Variants in PRLR observed in about 807,000 individuals in gnomAD.
The protein encoded by PRLR is hPRL receptor.
A neutral mutation model predicts 40.2 loss-of-function variants in PRLR; 13 were observed. That is an observed-to-expected ratio of 0.32 (90% confidence interval 0.21 to 0.51). PRLR has a LOEUF of 0.51. Ranked by LOEUF, PRLR falls within the 20% of genes least tolerant of loss-of-function variation. The probability of loss-of-function intolerance (pLI) is 0.97; values close to 1 mark genes in which losing one functional copy is unlikely to be tolerated. For missense variants in PRLR, 656 were observed against 747.3 expected (o/e 0.88, Z 1.42); for synonymous variants, 269 against 278.7 (o/e 0.97, Z 0.35).
At chr5:35,141,288 G>A (rs556547356) in intron 1 of PRLR, among the ~76,000 whole-genome samples, 130 of 151,690 alleles carry the variant, frequency 8.6e-4, no homozygotes, top group African/African-American at 1.1e-3. Context: ...AATTAGGTTT[G>A]GTAACTGACA....
At chr5:35,049,776 T>A (rs1159087833) in intron 8 of PRLR, among the ~76,000 whole-genome samples, 1 of 152,136 alleles carries the variant, frequency 6.6e-6, no homozygotes, top group Non-Finnish European at 1.5e-5. Context: ...GACTAATTAT[T>A]TTTTTCTTCA....
intron 1 of PRLR, among the ~76,000 whole-genome samples, chr5:35,222,441 G>A (rs1776448534): frequency 6.6e-6 from 1 of 152,188 alleles, no homozygotes; most frequent in African/African-American, 2.4e-5. Context: ...TGTGGGGCTA[G>A]GAGCAGTGGA....
At chr5:35,209,502 G>A (rs1471933282) in intron 1 of PRLR, among the ~76,000 whole-genome samples, 3 of 152,172 alleles carry the variant, frequency 2.0e-5, no homozygotes, top group Non-Finnish European at 4.4e-5. Context: ...GTTCAGAACT[G>A]AGCAGTCCTG....
chr5:35,096,629 T>C (rs1771550326), intron 2 of PRLR, among the ~76,000 whole-genome samples: 1 of 151,964 alleles, frequency 6.6e-6, no homozygotes, highest in Non-Finnish European at 1.5e-5. Context: ...TACTTTCTTT[T>C]TTTTTTTTTG....
At chr5:35,134,714 A>C (rs1221939085) in intron 1 of PRLR, among the ~76,000 whole-genome samples, 1 of 152,228 alleles carries the variant, frequency 6.6e-6, no homozygotes, top group African/African-American at 2.4e-5. Flanking sequence ...GGAAAAGTAA[A>C]GTGGCAAGAA....
chr5:35,225,870 C>T (rs895984665), intron 1 of PRLR, among the ~76,000 whole-genome samples: 1 of 152,138 alleles, frequency 6.6e-6, no homozygotes, highest in Admixed American at 6.5e-5. Flanking sequence ...TTAATAGAGA[C>T]GGGGTTTCAC....
At chr5:35,166,087 GC>G (rs1774818260) in intron 1 of PRLR, among the ~76,000 whole-genome samples, 1 of 152,160 alleles carries the variant, frequency 6.6e-6, no homozygotes, top group African/African-American at 2.4e-5. Flanking sequence ...ATGATACAGA[GC>G]TTTGATTGTT....
chr5:35,190,166 GC>G, intron 1 of PRLR, among the ~76,000 whole-genome samples: 1 of 152,294 alleles, frequency 6.6e-6, no homozygotes, highest in South Asian at 2.1e-4. Context: ...GGCAGCCCCA[GC>G]AAACCAGTAC....
At chr5:35,131,498 T>C (rs1227758329) in intron 1 of PRLR, among the ~76,000 whole-genome samples, 2 of 152,140 alleles carry the variant, frequency 1.3e-5, no homozygotes, top group Admixed American at 1.3e-4. Context: ...GCAAAAGGCA[T>C]GCAGTTTATA....
intron 2 of PRLR, among the ~76,000 whole-genome samples, chr5:35,108,585 A>G (rs1294255873): frequency 2.0e-5 from 3 of 152,216 alleles, no homozygotes; most frequent in Non-Finnish European, 4.4e-5. Flanking sequence ...ATAAACAGAA[A>G]GCCAAATCAT....
intron 5 of PRLR, among the ~76,000 whole-genome samples, chr5:35,074,564 G>A (rs1467173133): frequency 1.3e-5 from 2 of 149,406 alleles, no homozygotes; most frequent in Non-Finnish European, 2.9e-5. Flanking sequence ...GAAACAGACA[G>A]TCATTGCCAG....
In PRLR at chr5:35,065,269, A is replaced by T. The variant is rs774934771; in HGVS notation, c.1689T>A (p.Asp563Glu). 1.9e-6 allele frequency: 3 copies of T among 1,614,080 alleles called. No homozygotes were observed. Among genetic ancestry groups the T allele is most frequent in the South Asian group, 2.2e-5 (2 of 91,078 alleles). Reference sequence around the variant, plus strand: ...AGCAAGCCACGTTTTTAGCATGTGGATCTGGCACCAACACCAGGATGTTGT... The same window carrying T: ...AGCAAGCCACGTTTTTAGCATGTGGTTCTGGCACCAACACCAGGATGTTGT... ...MDNNILVLVP[D>E]PHAKNVACFE... The change falls in exon 10 of 10, where the codon GAT becomes GAA. Residue 563 changes from aspartate (D) to glutamate (E), a missense_variant. By Grantham distance (45) the Asp-to-Glu change is conservative. This residue lies in a region of PRLR where 469 missense variants were observed against 491.5 expected (regional missense o/e 0.95). Transcript: ENST00000618457.
chr5:35,068,813 T>G lies in PRLR; in HGVS notation c.751A>C (p.Ile251Leu), dbSNP rs1579569154. ...VAVLSAVICL[I>L]IVWAVALKGY... ...TTCAAAGCCACTGCCCAGACAATAA[T>G]CAAACAGATGACAGCAGAAAGGACA... The change falls in exon 8 of 10, where the codon ATT (isoleucine) becomes CTT (leucine). Residue 251 changes from isoleucine to leucine, a missense_variant. Around this residue, in one of 3 missense-constraint regions of PRLR, gnomAD observed 469 missense variants for 491.5 expected, o/e 0.95. Coordinates refer to ENST00000618457, the MANE Select transcript of PRLR (RefSeq NM_000949.7). 1.9e-6 allele frequency: 3 copies of G among 1,612,248 alleles called. No homozygotes were observed. Among genetic ancestry groups the G allele is most frequent in the Non-Finnish European group, 2.5e-6 (3 of 1,178,826 alleles).
intron 5 of PRLR, among the ~76,000 whole-genome samples, chr5:35,083,190 C>T (rs113464029): frequency 0.013 from 1,934 of 152,154 alleles, 41 homozygotes; most frequent in African/African-American, 0.043. Flanking sequence ...TGTGAATGGC[C>T]CCTCAGCGCA....
intron 1 of PRLR, among the ~76,000 whole-genome samples, chr5:35,157,154 C>T (rs1561339046): frequency 1.3e-5 from 2 of 152,044 alleles, no homozygotes; most frequent in South Asian, 4.1e-4. Flanking sequence ...CTAGATACAT[C>T]AACACGAGGC....
chr5:35,167,138 C>CATCTATCT (rs10524859), intron 1 of PRLR, among the ~76,000 whole-genome samples: 7,917 of 147,334 alleles, frequency 0.054, 206 homozygotes, highest in Non-Finnish European at 0.062. Context: ...GTTTGTCTAT[C>CATCTATCT]ATCTATCTAT....
intron 1 of PRLR, among the ~76,000 whole-genome samples, chr5:35,191,650 G>C (rs983309452): frequency 5.9e-5 from 9 of 152,134 alleles, no homozygotes; most frequent in African/African-American, 1.9e-4. Context: ...CCTCAGCCTT[G>C]TTACCTGGCC....
rs571241105 is a variant in PRLR, at chr5:35,125,820, G to A, written c.-105-7698C>T. Among the ~76,000 whole-genome samples, 27 of 152,308 alleles carry A rather than the reference G, an allele frequency of 1.8e-4. No homozygotes were observed. The South Asian group carries it at 5.6e-3, about 32-fold the overall frequency. The stretch of plus-strand genomic sequence containing the variant: ...TTTACACTGCATAATCAGGAAGACT[G>A]TTGAGAGGGGAATGTTAGCAGGCGA... On this transcript the variant is annotated intron_variant, in intron 1 of 9. Transcript: ENST00000618457.
At chr5:35,125,276 T>C (rs1300634733) in intron 1 of PRLR, among the ~76,000 whole-genome samples, 1 of 152,136 alleles carries the variant, frequency 6.6e-6, no homozygotes, top group East Asian at 1.9e-4. Flanking sequence ...ATTGGGACAA[T>C]GATGGGTTGG....
Sources: allele counts gnomAD v4.1 joint callset (sites outside exome capture counted in the v4.1 genomes callset), GRCh38; gene constraint gnomAD v4.1.1; regional missense constraint gnomAD v4.1.1; transcripts MANE v1.5; gene names NCBI Gene and HGNC (gene_info 2026-07-23, HGNC 2026-07-21).